ERBB4: variants seen among roughly 807,000 people sequenced by gnomAD.
The protein encoded by ERBB4 is receptor tyrosine-protein kinase erbB-4.
A neutral mutation model predicts 158.0 loss-of-function variants in ERBB4; 42 were observed. The ratio of observed to expected loss-of-function variants is 0.27; its 90% CI spans 0.21 to 0.34. The LOEUF (loss-of-function observed/expected upper bound fraction) is 0.34, where lower values mean the gene tolerates loss of function less well. Ranked by LOEUF, ERBB4 falls within the 10% of genes least tolerant of loss-of-function variation. ERBB4 has a pLI of 1.00. For missense variants in ERBB4, 1,333 were observed against 1,624.1 expected (o/e 0.82, Z 3.08); for synonymous variants, 583 against 558.7 (o/e 1.04, Z -0.61).
intron 12 of ERBB4, among the ~76,000 whole-genome samples, chr2:211,684,654 A>G (rs2072491754): frequency 6.6e-6 from 1 of 152,212 alleles, no homozygotes; most frequent in Non-Finnish European, 1.5e-5. Context: ...TTTGAACATT[A>G]TGAAACATTA....
chr2:211,989,847 G>A lies in ERBB4; in HGVS notation c.235-42231C>T, dbSNP rs2082028490. On this transcript the variant is annotated intron_variant, in intron 2 of 27. Transcript: ENST00000342788. ...TCCTAACTCCACCCATGTCTTACTTGAATGCCTTCCTCAGGAACACAGCTC... is the reference window on the plus strand; with the variant it reads ...TCCTAACTCCACCCATGTCTTACTTAAATGCCTTCCTCAGGAACACAGCTC... Among the ~76,000 whole-genome samples, 2 of 151,924 alleles carry A rather than the reference G, an allele frequency of 1.3e-5. 1 individual carries two copies. The highest frequency in any genetic ancestry group is 4.1e-4 in the South Asian group (2 of 4,832).
chr2:211,969,016 G>C (rs576831740), intron 2 of ERBB4, among the ~76,000 whole-genome samples: 2 of 152,016 alleles, frequency 1.3e-5, no homozygotes, highest in East Asian at 1.9e-4. Flanking sequence ...TGCCACATTA[G>C]TTACATAACA....
intron 2 of ERBB4, among the ~76,000 whole-genome samples, chr2:212,060,180 T>A (rs2077715209): frequency 2.0e-5 from 3 of 152,140 alleles, no homozygotes; most frequent in African/African-American, 7.2e-5. Context: ...AAATAAGACA[T>A]TTATGCAGCC....
chr2:212,271,602 T>A (rs1361060894), intron 1 of ERBB4, among the ~76,000 whole-genome samples: 1 of 151,826 alleles, frequency 6.6e-6, no homozygotes, highest in African/African-American at 2.4e-5. Flanking sequence ...ATGGGCTATG[T>A]ATACCTTCTA....
chr2:212,522,839 C>A (rs7561571), intron 1 of ERBB4, among the ~76,000 whole-genome samples: 4 of 151,836 alleles, frequency 2.6e-5, no homozygotes, highest in African/African-American at 4.8e-5. Context: ...TTAATACCAT[C>A]TACCACGCAG....
At chr2:211,944,164 C>CTATA (rs71397155) in intron 3 of ERBB4, among the ~76,000 whole-genome samples, 16 of 100,886 alleles carry the variant, frequency 1.6e-4, no homozygotes, top group African/African-American at 3.8e-4. Context: ...TATATATACA[C>CTATA]TATATATATA....
At chr2:212,166,434 G>A (rs13030421) in intron 1 of ERBB4, among the ~76,000 whole-genome samples, 92,298 of 151,828 alleles carry the variant, frequency 0.61, 29,162 homozygotes, top group African/African-American at 0.68. Flanking sequence ...GTCTCATTTT[G>A]CAGGACACAA....
At chr2:211,625,486 G>C (rs1023055632) in intron 17 of ERBB4, among the ~76,000 whole-genome samples, 1 of 152,054 alleles carries the variant, frequency 6.6e-6, no homozygotes, top group Non-Finnish European at 1.5e-5. Context: ...ATAAACTTAG[G>C]TTATCTTCAA....
intron 13 of ERBB4, among the ~76,000 whole-genome samples, chr2:211,673,804 T>A (rs2071946158): frequency 6.6e-6 from 1 of 152,126 alleles, no homozygotes; most frequent in Non-Finnish European, 1.5e-5. Context: ...CCTTGGAGAA[T>A]TAGAGAAAAC....
intron 1 of ERBB4, among the ~76,000 whole-genome samples, chr2:212,328,611 C>A (rs1019327746): frequency 6.6e-6 from 1 of 151,936 alleles, no homozygotes; most frequent in Non-Finnish European, 1.5e-5. Context: ...CTTTAAAACT[C>A]AAATATCTGA....
chr2:212,491,612 G>A (rs928890888), intron 1 of ERBB4, among the ~76,000 whole-genome samples: 2 of 151,432 alleles, frequency 1.3e-5, no homozygotes, highest in East Asian at 1.9e-4. Flanking sequence ...CAGAGTATAC[G>A]GAGAAATAGA....
chr2:211,784,463 C>T (rs1397633156), intron 4 of ERBB4, among the ~76,000 whole-genome samples: 1 of 152,142 alleles, frequency 6.6e-6, no homozygotes, highest in East Asian at 1.9e-4. Flanking sequence ...AATATTTCAT[C>T]ATTGTATGTA....
At chr2:211,410,978 G>A (rs1346820384) in intron 25 of ERBB4, among the ~76,000 whole-genome samples, 6 of 152,222 alleles carry the variant, frequency 3.9e-5, no homozygotes, top group South Asian at 4.1e-4. Flanking sequence ...GCGTGATCTC[G>A]GCTCACTGCA....
intron 16 of ERBB4, among the ~76,000 whole-genome samples, chr2:211,649,581 G>GA (rs1015170840): frequency 6.5e-4 from 98 of 151,912 alleles, no homozygotes; most frequent in African/African-American, 2.3e-3. Flanking sequence ...CTCTGTTCAG[G>GA]AAAAAACATG....
At chr2:212,089,500 A>T (rs977661894) in intron 2 of ERBB4, among the ~76,000 whole-genome samples, 32 of 152,174 alleles carry the variant, frequency 2.1e-4, no homozygotes, top group African/African-American at 7.7e-4. Context: ...ATGGGGGTGA[A>T]GTCCTCATGC....
At chr2:212,040,814 G>C (rs1010210330) in intron 2 of ERBB4, among the ~76,000 whole-genome samples, 1 of 152,044 alleles carries the variant, frequency 6.6e-6, no homozygotes, top group Admixed American at 6.6e-5. Context: ...TTTCACTGCC[G>C]TGAGATTGAT....
rs1559443120 is a variant in ERBB4 at position 211,709,267 on chromosome 2, A to ATGTG, written c.1124+2782_1124+2783insCACA. Among the ~76,000 whole-genome samples the ATGTG allele has an allele frequency of 9.0e-5, 13 of 143,728 alleles. No individual in the cohort carries two copies. In the East Asian group the frequency reaches 1.6e-3, roughly 18 times the overall value. 94.3% of individuals were successfully genotyped at this position (143,728 alleles called of 152,430 possible). A position where few individuals can be genotyped will look rare whatever the true frequency, so the allele number is the denominator to read the frequency against. On this transcript the variant is annotated intron_variant, in intron 9 of 27. Coordinates refer to ENST00000342788, the MANE Select transcript of ERBB4 (RefSeq NM_005235.3). The stretch of plus-strand genomic sequence containing the variant: ...TATATATATACACATATATATATAT[A>ATGTG]TATATATACATACATATATATATAC...
chr2:211,966,332 C>T (rs868553635), intron 2 of ERBB4, among the ~76,000 whole-genome samples: 73 of 152,256 alleles, frequency 4.8e-4, no homozygotes, highest in African/African-American at 1.7e-3. Flanking sequence ...ACTTCTACCT[C>T]CCAGGTTCAA....
intron 2 of ERBB4, among the ~76,000 whole-genome samples, chr2:211,993,257 A>T (rs186121552): frequency 6.6e-6 from 1 of 152,304 alleles, no homozygotes; most frequent in Non-Finnish European, 1.5e-5. Flanking sequence ...ATGTCTTTAC[A>T]AGAAGAGGAA....
Sources: gnomAD v4.1 joint callset for allele counts (sites outside exome capture counted in the v4.1 genomes callset) on GRCh38, gnomAD v4.1.1 for gene constraint, MANE v1.5 for transcripts, NCBI Gene and HGNC (gene_info 2026-07-23, HGNC 2026-07-21) for gene names.